Variants in FOCAD observed in about 807,000 individuals in gnomAD.
FOCAD encodes focadhesin.
Under a neutral mutation model 225.6 loss-of-function variants are expected in FOCAD, and 198 were observed. The observed-to-expected ratio is 0.88, with a 90% CI of 0.78 to 0.99. The LOEUF is 0.99. FOCAD is among the 50% of genes least tolerant of loss of function. FOCAD has a pLI of 0.00. For synonymous variants in FOCAD, 897 were observed against 755.0 expected, an observed-to-expected ratio of 1.19 and a Z score of -3.08; for missense variants, 2,713 against 2,123.6, an observed-to-expected ratio of 1.28 and a Z score of -5.46.
At chr9:20,909,749 C>T (rs1833283894) in intron 22 of FOCAD, among the ~76,000 whole-genome samples, 1 of 152,032 alleles carries the variant, frequency 6.6e-6, no homozygotes. Flanking sequence ...TGCATTTATG[C>T]TTAAACAAGT....
chr9:20,969,350 T>C (rs1013970866), intron 35 of FOCAD, among the ~76,000 whole-genome samples: 8 of 152,142 alleles, frequency 5.3e-5, no homozygotes, highest in African/African-American at 1.9e-4. Context: ...CTAGATATTC[T>C]ATCTAGTATT....
intron 2 of FOCAD, among the ~76,000 whole-genome samples, chr9:20,673,279 A>G (rs1282326061): frequency 1.3e-5 from 2 of 152,194 alleles, no homozygotes; most frequent in East Asian, 1.9e-4. Context: ...TCTCTAGGAT[A>G]TATACATAGG....
At chr9:20,873,888 T>G (rs779111166) in intron 18 of FOCAD, 2 of 152,178 alleles carry the variant, frequency 1.3e-5, no homozygotes, top group Non-Finnish European at 2.9e-5. Flanking sequence ...GAAACCACTT[T>G]TATATATTTT....
chr9:20,836,627 A>G (rs573835167), intron 15 of FOCAD, among the ~76,000 whole-genome samples: 4 of 152,188 alleles, frequency 2.6e-5, no homozygotes, highest in South Asian at 2.1e-4. Context: ...TTTGCAGTCG[A>G]AAGTTGTAGT....
intron 18 of FOCAD, chr9:20,872,779 C>G (rs1227555280): frequency 6.6e-6 from 1 of 151,900 alleles, no homozygotes; most frequent in Non-Finnish European, 1.5e-5. Context: ...GAACATTTTC[C>G]CCCCTGAAAG....
chr9:20,800,697 A>G (rs1337865279), intron 11 of FOCAD, among the ~76,000 whole-genome samples: 1 of 152,024 alleles, frequency 6.6e-6, no homozygotes, highest in Non-Finnish European at 1.5e-5. Context: ...TTTCAGCTCC[A>G]TCAGGTCCTT....
intron 6 of FOCAD, among the ~76,000 whole-genome samples, chr9:20,760,135 C>T (rs996817300): frequency 1.6e-4 from 25 of 152,182 alleles, no homozygotes; most frequent in Non-Finnish European, 3.2e-4. Flanking sequence ...CTAAACATCC[C>T]TCAGAAGGAT....
chr9:20,671,981 G>GT (rs79845693), intron 2 of FOCAD, among the ~76,000 whole-genome samples: 929 of 141,710 alleles, frequency 6.6e-3, no homozygotes, highest in Admixed American at 6.6e-3. Context: ...AACCGTTGTA[G>GT]TTTTTTTTTT....
chr9:20,675,565 G>A (rs1354559517), intron 2 of FOCAD, among the ~76,000 whole-genome samples: 3 of 152,160 alleles, frequency 2.0e-5, no homozygotes, highest in South Asian at 4.1e-4. Flanking sequence ...AATGGAAAAC[G>A]TCATCACAGC....
At chr9:20,697,806 T>G (rs192169641) in intron 1 of FOCAD, among the ~76,000 whole-genome samples, 10 of 152,348 alleles carry the variant, frequency 6.6e-5, no homozygotes, top group Non-Finnish European at 8.8e-5. Flanking sequence ...TTGATTAAAA[T>G]GAGACTGGAG....
At chr9:20,872,765 T>C (rs1303887086) in intron 18 of FOCAD, 1 of 152,034 alleles carries the variant, frequency 6.6e-6, no homozygotes, top group Non-Finnish European at 1.5e-5. Flanking sequence ...ACAATCTAAT[T>C]TTAGAACATT....
At chr9:20,755,390 C>T (rs745501569) in intron 5 of FOCAD, among the ~76,000 whole-genome samples, 26 of 152,180 alleles carry the variant, frequency 1.7e-4, no homozygotes, top group Admixed American at 3.3e-4. Context: ...GTGGCTCCCT[C>T]GGTATGCATA....
chr9:20,911,928 A>G (rs1352584623), intron 22 of FOCAD, among the ~76,000 whole-genome samples: 3 of 152,184 alleles, frequency 2.0e-5, no homozygotes, highest in Non-Finnish European at 4.4e-5. Flanking sequence ...TTAAGAAGAT[A>G]TGAAAAGATC....
intron 21 of FOCAD, among the ~76,000 whole-genome samples, chr9:20,902,629 A>C (rs929725387): frequency 6.6e-6 from 1 of 151,930 alleles, no homozygotes; most frequent in African/African-American, 2.4e-5. Context: ...GAAAGATTTT[A>C]AGCTGTTAAG....
chr9:20,903,781 A>G (rs906278495), intron 21 of FOCAD, among the ~76,000 whole-genome samples: 3 of 151,946 alleles, frequency 2.0e-5, no homozygotes, highest in Non-Finnish European at 2.9e-5. Context: ...AAAGTGTGCA[A>G]TTCACTGGCA....
intron 5 of FOCAD, among the ~76,000 whole-genome samples, chr9:20,751,310 C>T (rs1346540371): frequency 8.5e-6 from 1 of 117,822 alleles, no homozygotes; most frequent in African/African-American, 3.2e-5. Context: ...TCCCTCCCCC[C>T]TCCCCCCACC....
rs777844112 is a variant in FOCAD, at chr9:20,933,101, C to T, written c.3405C>T (p.Tyr1135=). The T allele has an allele frequency of 5.6e-6, 9 of 1,611,090 alleles. No individual in the cohort carries two copies. The highest frequency in any genetic ancestry group is 7.6e-6 in the Non-Finnish European group (9 of 1,177,456). The change falls in exon 28 of 44, where the codon TAC becomes TAT. Residue 1135 remains tyrosine (Y), a splice_region_variant and synonymous_variant. Transcript: ENST00000338382. ...GCTGCTTTGACACTAGTCTTGAATA[C>T]AAGTATGTTGTTCCTATTTCCACTC... ...ENCCFDTSLE[Y]NTGCILGVGL...
At position 20,819,838 on chromosome 9, in the gene FOCAD, C is replaced by A. The variant is rs1824125850; in HGVS notation, c.1498C>A (p.Pro500Thr). The A allele has an allele frequency of 1.3e-6, 2 of 1,541,486 alleles. No homozygotes were observed. The highest frequency in any genetic ancestry group is 2.0e-5 in the Admixed American group (1 of 50,698). The change falls in exon 12 of 44, where the codon CCA (proline) becomes ACA (threonine). Residue 500 changes from proline (P) to threonine (T), a missense_variant. Coordinates refer to ENST00000338382, the MANE Select transcript of FOCAD (RefSeq NM_001375567.1). ...AGTTTTGATGTTCAAATTGGGAAGA[C>A]CACTGGAACCTATATTATATAATGA... ...IPVLMFKLGR[P>T]LEPILYNDIL...
rs143663577 is a variant in FOCAD, at chr9:20,705,555, G to C, written c.-32-9767G>C. Among the ~76,000 whole-genome samples the C allele has an allele frequency of 6.1e-3, 933 of 152,048 alleles. 29 individuals are homozygous for C. The highest frequency in any genetic ancestry group is 0.041 in the East Asian group (210 of 5,178). ...AAGATTGTGAATGTGGAGATTTTGC[G>C]ATCATTTATTGGCCAATAACACATT... On this transcript the variant is annotated intron_variant, in intron 1 of 43. Transcript: ENST00000338382.
Sources: allele counts gnomAD v4.1 joint callset (sites outside exome capture counted in the v4.1 genomes callset), GRCh38; gene constraint gnomAD v4.1.1; transcripts MANE v1.5; gene names NCBI Gene and HGNC (gene_info 2026-07-23, HGNC 2026-07-21).